The following EXOSC7 variants were observed in gnomAD, a reference collection of about 807,000 sequenced individuals.
The protein encoded by EXOSC7 is exosome component 7.
A neutral mutation model predicts 34.3 loss-of-function variants in EXOSC7; 25 were observed. That is an observed-to-expected ratio of 0.73 (90% CI 0.53 to 1.02). The LOEUF is 1.02. Ranked by LOEUF, EXOSC7 falls within the 50% of genes least tolerant of loss-of-function variation. EXOSC7 has a pLI of 0.00. For synonymous variants in EXOSC7, 130 were observed against 143.0 expected (o/e 0.91, Z 0.65); for missense variants, 370 against 368.5 (o/e 1.00, Z -0.03).
Position 45,007,484 on chromosome 3 carries a change from T to C in EXOSC7, c.680T>C (p.Leu227Pro), listed in dbSNP as rs754300604. ...QEEACSLASL[L>P]VSVTSKGVVT... ...GAGGCCTGCTCGCTGGCCAGCTTGC[T>C]GGTGTCGGTGACCAGCAAGGGAGTT... is the stretch of plus-strand genomic sequence containing the variant. The change falls in exon 7 of 8, where the codon CTG becomes CCG. Residue 227 changes from leucine to proline, a missense_variant. Coordinates refer to ENST00000265564, the MANE Select transcript of EXOSC7 (RefSeq NM_015004.4). 2 of 1,614,198 alleles carry C rather than the reference T, an allele frequency of 1.2e-6. No individual in the cohort carries two copies. The highest frequency in any genetic ancestry group is 1.3e-5 in the African/African-American group (1 of 75,074).
chr3:44,977,339 C>A (rs183879716), intron 1 of EXOSC7: 6 of 152,350 alleles, frequency 3.9e-5, no homozygotes, highest in African/African-American at 1.4e-4. Flanking sequence ...TTTCCTCTGT[C>A]AGTACCAACT....
rs939841463 is a variant in EXOSC7, at chr3:44,989,540, G to C, written c.160-10G>C. The C allele has an allele frequency of 2.5e-6, 4 of 1,608,672 alleles. No homozygotes were observed. Among genetic ancestry groups the C allele is most frequent in the Non-Finnish European group, 3.4e-6 (4 of 1,175,102 alleles). On this transcript the variant is annotated splice_polypyrimidine_tract_variant and intron_variant, in intron 2 of 7. Transcript: ENST00000265564. ...CTCTGAGTGAGGACTCTTCTTGCATGTGTCTGCAGGGTCACACAGACATCT... is the reference window on the plus strand; with the variant it reads ...CTCTGAGTGAGGACTCTTCTTGCATCTGTCTGCAGGGTCACACAGACATCT...
intron 6 of EXOSC7, 59 bp from the exon 7 acceptor site, chr3:45,007,360 CA>C: frequency 4.4e-6 from 7 of 1,586,586 alleles, no homozygotes; most frequent in Non-Finnish European, 6.0e-6. Context: ...ACGAGGCCAT[CA>C]GGGGTGGGAC....
rs560411931 is a variant in EXOSC7, at chr3:45,002,363, T to C, written c.491+755T>C. The C allele has an allele frequency of 9.9e-5, 15 of 152,070 alleles. No homozygotes were observed. In the East Asian group the frequency reaches 1.9e-3, roughly 20 times the overall value. 9.4% of individuals were successfully genotyped at this position (152,070 alleles called of 1,614,324 possible). A position where few individuals can be genotyped will look rare whatever the true frequency, so the allele number is the denominator to read the frequency against. On this transcript the variant is annotated intron_variant, in intron 5 of 7. Coordinates refer to ENST00000265564, the MANE Select transcript of EXOSC7 (RefSeq NM_015004.4). ...CTAGGGATATAACCTAAGGACATAA[T>C]TGAATAAATGAGCAAAGATGTTTAT...
intron 7 of EXOSC7, 80 bp downstream of exon 7, chr3:45,007,655 G>A: frequency 7.1e-7 from 1 of 1,411,136 alleles, no homozygotes; most frequent in Admixed American, 2.7e-5. Context: ...CATACCGTGG[G>A]GATTCTCCCC....
chr3:44,998,690 A>G (rs1201426629), intron 4 of EXOSC7, among the ~76,000 whole-genome samples: 1 of 152,262 alleles, frequency 6.6e-6, no homozygotes, highest in Non-Finnish European at 1.5e-5. Context: ...AGTGGTAACC[A>G]TTATCTAGCA....
chr3:45,003,136 C>T (rs554085044), intron 5 of EXOSC7, among the ~76,000 whole-genome samples: 93 of 152,312 alleles, frequency 6.1e-4, no homozygotes, highest in Non-Finnish European at 1.2e-3. Context: ...GCCATAGTCT[C>T]ATCCTCAGAC....
At chr3:45,011,072 T>A (rs1340655682) in intron 7 of EXOSC7, among the ~76,000 whole-genome samples, 163 bp from the exon 8 acceptor site, 1 of 152,246 alleles carries the variant, frequency 6.6e-6, no homozygotes, top group African/African-American at 2.4e-5. Flanking sequence ...TGTTGGGGTC[T>A]GTGGTTTTTG....
chr3:44,987,207 ATAAACC>A (rs1706446026), intron 1 of EXOSC7, among the ~76,000 whole-genome samples: 1 of 152,200 alleles, frequency 6.6e-6, no homozygotes, highest in Non-Finnish European at 1.5e-5. Flanking sequence ...TACAAGAAAG[ATAAACC>A]TGAAACTGAA....
chr3:45,011,561 C>G, downstream of EXOSC7: 1 of 364,640 alleles, frequency 2.7e-6, no homozygotes, highest in African/African-American at 2.1e-5. Context: ...GAGTGGCAGA[C>G]AAATCCAGAG....
chr3:44,989,557 C>A lies in EXOSC7; in HGVS notation c.167C>A (p.Thr56Lys). The A allele has an allele frequency of 3.7e-6, 6 of 1,613,800 alleles. No individual in the cohort carries two copies. Among genetic ancestry groups the A allele is most frequent in the Non-Finnish European group, 5.1e-6 (6 of 1,179,732 alleles). ...TCTTGCATGTGTCTGCAGGGTCACA[C>A]AGACATCTTGGTGGGAGTGAAAGCA... ...SGSARVKLGH[T>K]DILVGVKAEM... is the part of the protein sequence containing the mutation. The change falls in exon 3 of 8, where the codon ACA becomes AAA. Residue 56 changes from threonine to lysine, a missense_variant. Thr to Lys is a moderately conservative substitution (Grantham distance 78). Transcript: ENST00000265564.
At chr3:45,000,773 C>T (rs1706852840) in intron 4 of EXOSC7, among the ~76,000 whole-genome samples, 2 of 152,154 alleles carry the variant, frequency 1.3e-5, no homozygotes, top group Admixed American at 6.5e-5. Flanking sequence ...TGTTTGGAGG[C>T]CAGGCATATG....
intron 1 of EXOSC7, among the ~76,000 whole-genome samples, chr3:44,986,050 T>G (rs1706402629): frequency 6.6e-6 from 1 of 152,182 alleles, no homozygotes; most frequent in African/African-American, 2.4e-5. Flanking sequence ...CCCGGCTGGC[T>G]TCAACCAGTG....
intron 5 of EXOSC7, chr3:45,001,837 A>G: frequency 2.3e-6 from 1 of 443,998 alleles, no homozygotes. Flanking sequence ...TATTTTTATA[A>G]ATAGACACCT....
At chr3:44,984,300 A>G (rs1275478980) in intron 1 of EXOSC7, among the ~76,000 whole-genome samples, 1 of 152,162 alleles carries the variant, frequency 6.6e-6, no homozygotes, top group African/African-American at 2.4e-5. Flanking sequence ...GCAAGACCCC[A>G]TCTCTACAAA....
intron 5 of EXOSC7, among the ~76,000 whole-genome samples, chr3:45,003,247 G>A (rs1472202839): frequency 6.6e-6 from 1 of 152,166 alleles, no homozygotes; most frequent in East Asian, 1.9e-4. Flanking sequence ...CTTTAGAAGG[G>A]TAAAGGCCAC....
intron 7 of EXOSC7, among the ~76,000 whole-genome samples, chr3:45,010,395 A>AT (rs1576031733): frequency 6.6e-6 from 1 of 151,928 alleles, no homozygotes; most frequent in East Asian, 1.9e-4. Context: ...CTACAGGCGC[A>AT]TACCACCATG....
intron 1 of EXOSC7, among the ~76,000 whole-genome samples, chr3:44,986,777 C>A (rs1576005768): frequency 6.6e-6 from 1 of 152,164 alleles, no homozygotes; most frequent in East Asian, 1.9e-4. Context: ...AGACCTGAAG[C>A]AAGTATGGCA....
At chr3:44,981,537 T>C (rs1706269940) in intron 1 of EXOSC7, among the ~76,000 whole-genome samples, 1 of 152,182 alleles carries the variant, frequency 6.6e-6, no homozygotes, top group East Asian at 1.9e-4. Context: ...CCAGCCTTCA[T>C]AGTGACCTCA....
Sources: gnomAD v4.1 joint callset for allele counts (sites outside exome capture counted in the v4.1 genomes callset) on GRCh38, gnomAD v4.1.1 for gene constraint, MANE v1.5 for transcripts, NCBI Gene and HGNC (gene_info 2026-07-23, HGNC 2026-07-21) for gene names.